The following DNAJC15 variants were observed in gnomAD, a reference collection of about 807,000 sequenced individuals.
DNAJC15 encodes DnaJ heat shock protein family (Hsp40) member C15, also known as dnaJ homolog subfamily C member 15.
In DNAJC15, 27 loss-of-function variants were observed where a neutral mutation model predicts 22.4. The ratio of observed to expected loss-of-function variants is 1.20; its 90% CI spans 0.89 to 1.66. The LOEUF is 1.66. Ranked by LOEUF, DNAJC15 falls within the 40% of genes most tolerant of loss-of-function variation. The pLI, the probability that DNAJC15 is intolerant of heterozygous loss-of-function variation, is 0.00. For synonymous variants in DNAJC15, 79 were observed against 63.2 expected (o/e 1.25, Z -1.19); for missense variants, 208 against 187.1 (o/e 1.11, Z -0.65).
At chr13:43,092,426 T>C (rs926178119) in intron 5 of DNAJC15, among the ~76,000 whole-genome samples, 1 of 152,062 alleles carries the variant, frequency 6.6e-6, no homozygotes, top group African/African-American at 2.4e-5. Flanking sequence ...AATTTTAGAC[T>C]TTTAATGTAA....
At position 43,065,567 on chromosome 13, in the gene DNAJC15, C is replaced by T. The variant is rs150009167; in HGVS notation, c.109-119C>T. ...GCATATTTTTTTAAGTCCTGATCTT[C>T]ACAGTAGAGCTTAAAGAAAGTGTAG... is the stretch of plus-strand genomic sequence containing the variant. On this transcript the variant is annotated intron_variant, in intron 1 of 5. Transcript: ENST00000379221. 112 of 807,558 alleles carry T rather than the reference C, an allele frequency of 1.4e-4. No homozygotes were observed. The East Asian group carries it at 2.7e-3, about 19-fold the overall frequency. The allele number at this position is 807,558 out of a possible 1,614,324, so 50.0% of individuals were successfully genotyped here.
At chr13:43,098,769 A>G (rs996124890) in intron 5 of DNAJC15, among the ~76,000 whole-genome samples, 7 of 152,148 alleles carry the variant, frequency 4.6e-5, no homozygotes, top group African/African-American at 1.7e-4. Flanking sequence ...TTGTCCTAGT[A>G]CCACACTGTC....
chr13:43,041,149 A>C (rs996289300), intron 1 of DNAJC15, among the ~76,000 whole-genome samples: 12 of 152,188 alleles, frequency 7.9e-5, no homozygotes, highest in East Asian at 1.9e-4. Context: ...ATTTCAGACT[A>C]TCACATGGGG....
At chr13:43,036,093 CTA>C (rs1216111757) in intron 1 of DNAJC15, among the ~76,000 whole-genome samples, 1 of 151,684 alleles carries the variant, frequency 6.6e-6, no homozygotes, top group East Asian at 1.9e-4. Context: ...TATCTGAACA[CTA>C]TTTTTCAGAT....
At chr13:43,089,657 A>G (rs2040705094) in intron 5 of DNAJC15, among the ~76,000 whole-genome samples, 1 of 152,228 alleles carries the variant, frequency 6.6e-6, no homozygotes, top group Non-Finnish European at 1.5e-5. Context: ...AAAACTAGGT[A>G]TGTATTATGA....
chr13:43,071,770 CTT>C (rs2040610409), intron 3 of DNAJC15, among the ~76,000 whole-genome samples: 2 of 152,148 alleles, frequency 1.3e-5, no homozygotes, highest in African/African-American at 2.4e-5. Flanking sequence ...CGGGGGGTCT[CTT>C]TTCCTTGTTT....
At chr13:43,071,557 G>A (rs2040609278) in intron 3 of DNAJC15, among the ~76,000 whole-genome samples, 1 of 152,204 alleles carries the variant, frequency 6.6e-6, no homozygotes, top group African/African-American at 2.4e-5. Context: ...CAGGGAAACT[G>A]AGAAATGAAA....
At chr13:43,034,355 G>A (rs1372769825) in intron 1 of DNAJC15, among the ~76,000 whole-genome samples, 16 of 115,740 alleles carry the variant, frequency 1.4e-4, no homozygotes, top group Admixed American at 1.1e-3. Flanking sequence ...TCGCTGTGTC[G>A]CCCAGACTGG....
At chr13:43,024,633 C>T (rs371177255) in intron 1 of DNAJC15, among the ~76,000 whole-genome samples, 19 of 151,926 alleles carry the variant, frequency 1.3e-4, no homozygotes, top group East Asian at 3.9e-4. Flanking sequence ...CGTGAGCCAC[C>T]GCGTCCGGCA....
rs746275226 is a variant in DNAJC15 at position 43,113,973 on chromosome 13, C to A, written c.*6725C>A. ...GGGACTTAGGTAATCAGTTTGCCTT[C>A]TACTCTATCTCATTTTGTACTCGCT... is the stretch of plus-strand genomic sequence containing the variant. On this transcript the variant is annotated 3_prime_UTR_variant, in exon 6 of 6. Transcript: ENST00000379221. 6.6e-6 allele frequency: 1 copy of A among 152,170 alleles called. No individual in the cohort carries two copies. The highest frequency in any genetic ancestry group is 1.5e-5 in the Non-Finnish European group (1 of 68,030). The allele number at this position is 152,170 out of a possible 1,614,324, so 9.4% of individuals were successfully genotyped here.
intron 4 of DNAJC15, among the ~76,000 whole-genome samples, chr13:43,083,232 A>G (rs1037117360): frequency 6.6e-6 from 1 of 151,642 alleles, no homozygotes; most frequent in Non-Finnish European, 1.5e-5. Flanking sequence ...CAGTGGCGCT[A>G]TCTTGGCTCA....
intron 4 of DNAJC15, among the ~76,000 whole-genome samples, chr13:43,083,324 C>A (rs985451966): frequency 6.6e-6 from 1 of 152,036 alleles, no homozygotes; most frequent in Non-Finnish European, 1.5e-5. Context: ...CCCGCCACCA[C>A]GCCTGGCTAA....
At chr13:43,028,836 A>G (rs1449082294) in intron 1 of DNAJC15, among the ~76,000 whole-genome samples, 1 of 152,030 alleles carries the variant, frequency 6.6e-6, no homozygotes, top group Non-Finnish European at 1.5e-5. Flanking sequence ...CTAGTAGGAG[A>G]AAATTGTTTT....
chr13:43,068,039 T>A (rs982013354), intron 2 of DNAJC15, among the ~76,000 whole-genome samples: 1 of 152,164 alleles, frequency 6.6e-6, no homozygotes, highest in East Asian at 1.9e-4. Context: ...GGCAGGTAAA[T>A]TTTTCTAAAA....
intron 2 of DNAJC15, among the ~76,000 whole-genome samples, chr13:43,066,674 G>C (rs1475273585): frequency 6.6e-6 from 1 of 152,144 alleles, no homozygotes; most frequent in Non-Finnish European, 1.5e-5. Flanking sequence ...CCAGGCTGGA[G>C]TGCAGTGGGG....
intron 1 of DNAJC15, among the ~76,000 whole-genome samples, chr13:43,060,606 C>T (rs2040554197): frequency 6.6e-6 from 1 of 152,132 alleles, no homozygotes; most frequent in Non-Finnish European, 1.5e-5. Context: ...TATACAGAGT[C>T]CTCTTTAACA....
intron 1 of DNAJC15, among the ~76,000 whole-genome samples, chr13:43,038,137 C>T (rs1032835298): frequency 1.3e-5 from 2 of 151,998 alleles, no homozygotes; most frequent in Non-Finnish European, 2.9e-5. Flanking sequence ...ATGGATTTTT[C>T]TGATTATTTT....
intron 5 of DNAJC15, among the ~76,000 whole-genome samples, chr13:43,088,908 T>A (rs990504263): frequency 2.0e-5 from 3 of 152,078 alleles, no homozygotes; most frequent in Admixed American, 1.3e-4. Context: ...TTTCCCTTCA[T>A]TTCAGCATTT....
intron 1 of DNAJC15, among the ~76,000 whole-genome samples, chr13:43,036,726 A>T (rs934240633): frequency 1.3e-5 from 2 of 152,226 alleles, no homozygotes; most frequent in Non-Finnish European, 2.9e-5. Context: ...GGCCCATGCC[A>T]AGCTACTACC....
Sources: gnomAD v4.1 joint callset for allele counts (sites outside exome capture counted in the v4.1 genomes callset) on GRCh38, gnomAD v4.1.1 for gene constraint, MANE v1.5 for transcripts, NCBI Gene and HGNC (gene_info 2026-07-23, HGNC 2026-07-21) for gene names.